Variants in MTUS2 observed in about 807,000 individuals in gnomAD.
MTUS2 encodes microtubule-associated tumor suppressor candidate 2.
MTUS2 carries 40 observed loss-of-function variants against 114.1 expected under a neutral mutation model. The observed-to-expected ratio is 0.35, with a 90% CI of 0.27 to 0.46. MTUS2 has a LOEUF of 0.46. Among genes scored for constraint, MTUS2 ranks in the 20% least tolerant of loss-of-function variants. MTUS2 has a pLI of 1.00. For missense variants in MTUS2, 1,679 were observed against 1,705.4 expected (o/e 0.98, Z 0.27); for synonymous variants, 688 against 672.0 (o/e 1.02, Z -0.37).
intron 2 of MTUS2, among the ~76,000 whole-genome samples, chr13:28,993,385 C>T (rs1222703065): frequency 6.6e-6 from 1 of 152,178 alleles, no homozygotes; most frequent in East Asian, 1.9e-4. Flanking sequence ...AGTTTCTTTA[C>T]ATCTTAGCCA....
intron 8 of MTUS2, among the ~76,000 whole-genome samples, chr13:29,414,706 CT>C (rs1436363438): frequency 6.6e-6 from 1 of 151,462 alleles, no homozygotes; most frequent in Non-Finnish European, 1.5e-5. Flanking sequence ...TATTTGTGTT[CT>C]TTTTCCCTGT....
rs781365703 is a variant in MTUS2 at position 29,026,275 on chromosome 13, C to G, written c.1577C>G (p.Ala526Gly). 2 of 1,613,846 alleles carry G rather than the reference C, an allele frequency of 1.2e-6. No individual in the cohort carries two copies. The highest frequency in any genetic ancestry group is 1.1e-5 in the South Asian group (1 of 91,080). Residue 526 changes from alanine to glycine, a missense_variant, in exon 3 of 16, where the codon GCA becomes GGA. Physicochemically the swap from Ala to Gly is moderately conservative, Grantham distance 60. This residue lies in a region of MTUS2 where 843 missense variants were observed against 770.8 expected (regional missense o/e 1.09). Coordinates refer to ENST00000612955, the MANE Select transcript of MTUS2 (RefSeq NM_001033602.4). The stretch of plus-strand genomic sequence containing the variant: ...AAGATTGAAAGCACCTCAGCAAGAG[C>G]AGATTCAGTTCTCAATATTCCAGCA... Reference protein sequence around the residue: ...ADKIESTSARADSVLNIPAPL... With the variant: ...ADKIESTSARGDSVLNIPAPL...
intron 9 of MTUS2, among the ~76,000 whole-genome samples, chr13:29,464,115 T>A (rs1052193874): frequency 3.9e-5 from 6 of 152,190 alleles, no homozygotes; most frequent in Non-Finnish European, 8.8e-5. Flanking sequence ...CTGAAGGTTG[T>A]GGTGTTGAGC....
At chr13:29,262,586 T>G (rs1593236167) in intron 5 of MTUS2, among the ~76,000 whole-genome samples, 1 of 147,828 alleles carries the variant, frequency 6.8e-6, no homozygotes. Context: ...AAAAAAAAAG[T>G]AAGTTTGAAG....
chr13:29,119,456 ATTC>A (rs1203987766), intron 5 of MTUS2, among the ~76,000 whole-genome samples: 1 of 152,216 alleles, frequency 6.6e-6, no homozygotes, highest in Non-Finnish European at 1.5e-5. Flanking sequence ...GTTTTCATAT[ATTC>A]TTTTATGTGA....
chr13:29,446,819 T>C (rs980701228), intron 9 of MTUS2, among the ~76,000 whole-genome samples: 2 of 152,158 alleles, frequency 1.3e-5, no homozygotes. Context: ...CACACACACA[T>C]ACACACAAAT....
intron 5 of MTUS2, among the ~76,000 whole-genome samples, chr13:29,276,095 A>G (rs928333223): frequency 2.0e-5 from 3 of 152,206 alleles, no homozygotes; most frequent in African/African-American, 7.2e-5. Context: ...TAGGAGTTCA[A>G]CTACATGAGA....
At chr13:28,871,804 T>G (rs1206060261) in intron 2 of MTUS2, among the ~76,000 whole-genome samples, 1 of 152,190 alleles carries the variant, frequency 6.6e-6, no homozygotes, top group African/African-American at 2.4e-5. Context: ...AGTTGACATT[T>G]GATCAGAGAC....
At chr13:28,918,754 TTTCC>T (rs1250003311) in intron 2 of MTUS2, among the ~76,000 whole-genome samples, 1 of 152,082 alleles carries the variant, frequency 6.6e-6, no homozygotes, top group Non-Finnish European at 1.5e-5. Context: ...GTCTTCCTTC[TTTCC>T]TTCCTTCCTG....
chr13:29,166,372 A>G (rs1235249261), intron 5 of MTUS2, among the ~76,000 whole-genome samples: 1 of 152,206 alleles, frequency 6.6e-6, no homozygotes, highest in African/African-American at 2.4e-5. Flanking sequence ...GAACCCTTCA[A>G]CACACCTTCT....
intron 5 of MTUS2, among the ~76,000 whole-genome samples, chr13:29,126,595 G>T (rs995122228): frequency 6.6e-6 from 1 of 151,920 alleles, no homozygotes; most frequent in Non-Finnish European, 1.5e-5. Flanking sequence ...ACATAAATTC[G>T]TAAACTTTCT....
chr13:29,213,764 A>T (rs1272460690), intron 5 of MTUS2, among the ~76,000 whole-genome samples: 1 of 152,112 alleles, frequency 6.6e-6, no homozygotes, highest in Non-Finnish European at 1.5e-5. Context: ...TAGATCTTAT[A>T]TTTTTATCCC....
At chr13:29,019,069 T>C (rs977191002) in intron 2 of MTUS2, among the ~76,000 whole-genome samples, 2 of 152,142 alleles carry the variant, frequency 1.3e-5, no homozygotes. Flanking sequence ...GTCATGGTAC[T>C]TCAGCCTCAT....
chr13:29,271,799 T>C (rs966359217), intron 5 of MTUS2, among the ~76,000 whole-genome samples: 9 of 152,336 alleles, frequency 5.9e-5, no homozygotes, highest in African/African-American at 1.9e-4. Context: ...ACCCCTCATG[T>C]CCTTATCCCT....
intron 9 of MTUS2, chr13:29,476,809 T>C (rs1201165057): frequency 2.6e-5 from 4 of 152,226 alleles, no homozygotes; most frequent in African/African-American, 4.8e-5. Context: ...TCTTCCTGTA[T>C]TATCAGAACA....
intron 4 of MTUS2, among the ~76,000 whole-genome samples, chr13:29,074,405 C>T (rs993373283): frequency 2.0e-5 from 3 of 152,152 alleles, no homozygotes; most frequent in Non-Finnish European, 2.9e-5. Flanking sequence ...CCACTTAGCA[C>T]CCTTTAGTGT....
At chr13:29,393,811 A>G (rs1235735576) in intron 8 of MTUS2, among the ~76,000 whole-genome samples, 3 of 152,136 alleles carry the variant, frequency 2.0e-5, no homozygotes, top group African/African-American at 7.2e-5. Context: ...TAAGATGAAC[A>G]TTGGTTGGGT....
At chr13:28,836,392 G>C (rs1384318627) in intron 1 of MTUS2, among the ~76,000 whole-genome samples, 1 of 152,182 alleles carries the variant, frequency 6.6e-6, no homozygotes, top group Non-Finnish European at 1.5e-5. Flanking sequence ...TACTGGTTTT[G>C]AGTTGGATCC....
At chr13:29,398,708 C>T (rs1874100491) in intron 8 of MTUS2, among the ~76,000 whole-genome samples, 1 of 152,036 alleles carries the variant, frequency 6.6e-6, no homozygotes, top group South Asian at 2.1e-4. Flanking sequence ...AAAGGTTTCC[C>T]ACACATAAAG....
Sources: allele counts gnomAD v4.1 joint callset (sites outside exome capture counted in the v4.1 genomes callset), GRCh38; gene constraint gnomAD v4.1.1; regional missense constraint gnomAD v4.1.1; transcripts MANE v1.5; gene names NCBI Gene and HGNC (gene_info 2026-07-23, HGNC 2026-07-21).